Variants in DEF6 observed in about 807,000 individuals in gnomAD.
DEF6 encodes the protein differentially expressed in FDCP 6 homolog.
A neutral mutation model predicts 80.5 loss-of-function variants in DEF6; 32 were observed. That is an observed-to-expected ratio of 0.40 (90% confidence interval 0.30 to 0.53). The LOEUF (loss-of-function observed/expected upper bound fraction) is 0.53, where lower values mean the gene tolerates loss of function less well. DEF6 is among the 20% of genes least tolerant of loss of function. The pLI is 0.57. For synonymous variants in DEF6, 300 were observed against 337.9 expected (o/e 0.89, Z 1.23); for missense variants, 575 against 818.7 (o/e 0.70, Z 3.63).
chr6:35,303,106 C>T (rs1014910237), intron 1 of DEF6, among the ~76,000 whole-genome samples: 3 of 152,112 alleles, frequency 2.0e-5, no homozygotes, highest in Admixed American at 1.3e-4. Flanking sequence ...AGTCTGAGGT[C>T]GGCCCAGCTC....
chr6:35,308,808 T>G lies in DEF6; in HGVS notation c.97-862T>G, dbSNP rs548273663. Among the ~76,000 whole-genome samples the G allele has an allele frequency of 1.3e-3, 199 of 152,208 alleles. 1 individual carries two copies. The highest frequency in any genetic ancestry group is 1.0e-3 in the Non-Finnish European group (68 of 68,010). On this transcript the variant is annotated intron_variant, in intron 1 of 10. Coordinates refer to ENST00000316637, the MANE Select transcript of DEF6 (RefSeq NM_022047.4). ...ACCACCTCCTACAGTGACCGGCATA[T>G]GGTAAGTGTGCAATAGTAACTAGTG...
intron 1 of DEF6, among the ~76,000 whole-genome samples, chr6:35,308,784 C>G (rs1419028647): frequency 6.6e-6 from 1 of 151,006 alleles, no homozygotes; most frequent in Non-Finnish European, 1.5e-5. Flanking sequence ...ATTAAATAAA[C>G]CACCTCCTAC....
At chr6:35,316,648 T>C (rs1278769109) in intron 5 of DEF6, among the ~76,000 whole-genome samples, 1 of 152,258 alleles carries the variant, frequency 6.6e-6, no homozygotes, top group Non-Finnish European at 1.5e-5. Flanking sequence ...TCAGGGTCTA[T>C]TGAAATGATC....
chr6:35,312,661 C>A lies in DEF6; in HGVS notation c.696C>A (p.Asn232Lys). 6.2e-7 allele frequency: 1 copy of A among 1,614,064 alleles called. No individual in the cohort carries two copies. Among genetic ancestry groups the A allele is most frequent in the East Asian group, 2.2e-5 (1 of 44,876 alleles). ...YLWKRGHLRR[N>K]WAERWFQLQP... ...GGAAGCGAGGGCACCTGAGAAGGAA[C>A]TGGGCCGAACGCTGGTTCCAGCTGC... is the stretch of plus-strand genomic sequence containing the variant. The change falls in exon 5 of 11, where the codon AAC (asparagine) becomes AAA (lysine). Residue 232 changes from asparagine (N) to lysine (K), a missense_variant. Asn to Lys is a moderately conservative substitution (Grantham distance 94). Transcript: ENST00000316637. This position sits in a 1 kb window ranked among gnomAD's most constrained non-coding sequence, Gnocchi z 6.6.
chr6:35,305,376 A>G (rs1417234135), intron 1 of DEF6, among the ~76,000 whole-genome samples: 5 of 152,034 alleles, frequency 3.3e-5, no homozygotes, highest in Admixed American at 2.0e-4. Flanking sequence ...TGTAGTCCCA[A>G]TTACTCGGGA....
At position 35,318,429 on chromosome 6, in the gene DEF6, G is replaced by A. The variant is rs1399819290; in HGVS notation, c.1173G>A (p.Glu391=). Residue 391 remains glutamate, a synonymous_variant, in exon 7 of 11, where the codon GAG becomes GAA. Transcript: ENST00000316637. This position sits in a 1 kb window ranked among gnomAD's most constrained non-coding sequence, Gnocchi z 5.1. The stretch of plus-strand genomic sequence containing the variant: ...AACGGCGCCGCAGCCAGCACCGCGA[G>A]CTGCAGCAGGCGCTCGAGGGCCAAC... The part of the protein sequence containing the change: ...EEERRRSQHR[E]LQQALEGQLR... 6.7e-7 allele frequency: 1 copy of A among 1,499,488 alleles called. No individual in the cohort carries two copies. Among genetic ancestry groups the A allele is most frequent in the Non-Finnish European group, 8.8e-7 (1 of 1,131,662 alleles). The allele number at this position is 1,499,488 out of a possible 1,614,324, so 92.9% of individuals were successfully genotyped here.
rs201614363 is a variant in DEF6, at chr6:35,299,013, A to G, written c.96+1061A>G. On this transcript the variant is annotated intron_variant, in intron 1 of 10. Coordinates refer to ENST00000316637, the MANE Select transcript of DEF6 (RefSeq NM_022047.4). ...ACCTGAGAGATGAATGGGACAGAAC[A>G]GTTATTGTGCCCCACCACCGTTCCA... Among the ~76,000 whole-genome samples the G allele has an allele frequency of 2.0e-5, 3 of 152,244 alleles. No homozygotes were observed. The East Asian group carries it at 5.8e-4, about 29-fold the overall frequency.
At chr6:35,316,697 G>A (rs532348165) in intron 5 of DEF6, among the ~76,000 whole-genome samples, 2 of 152,246 alleles carry the variant, frequency 1.3e-5, no homozygotes, top group Non-Finnish European at 2.9e-5. Context: ...ACTATGATGT[G>A]TCATGCATAT....
intron 1 of DEF6, among the ~76,000 whole-genome samples, chr6:35,301,217 C>A (rs1186366843): frequency 6.6e-6 from 1 of 152,158 alleles, no homozygotes. Context: ...AAGTTAAGAA[C>A]AGCTCCAGTC....
chr6:35,321,479 G>C lies in DEF6; in HGVS notation c.*69G>C. The C allele has an allele frequency of 2.1e-6, 3 of 1,445,012 alleles. No homozygotes were observed. The South Asian group carries it at 3.7e-5, about 18-fold the overall frequency. 89.5% of individuals were successfully genotyped at this position (1,445,012 alleles called of 1,614,324 possible). A position where few individuals can be genotyped will look rare whatever the true frequency, so the allele number is the denominator to read the frequency against. On this transcript the variant is annotated 3_prime_UTR_variant, in exon 11 of 11. Transcript: ENST00000316637. Reference sequence around the variant, plus strand: ...ACCTGGCCACAGCTGGCCTGTGGGTGATCCCAGCTCTTACTAGGAGAGGGA... The same window carrying C: ...ACCTGGCCACAGCTGGCCTGTGGGTCATCCCAGCTCTTACTAGGAGAGGGA...
In DEF6 at chr6:35,318,004, G is replaced by A. The variant is rs1485311186; in HGVS notation, c.916+5G>A. 6.2e-7 allele frequency: 1 copy of A among 1,611,422 alleles called. No individual in the cohort carries two copies. The highest frequency in any genetic ancestry group is 8.5e-7 in the Non-Finnish European group (1 of 1,178,772). On this transcript the variant is annotated splice_donor_5th_base_variant and intron_variant, in intron 6 of 10. Coordinates refer to ENST00000316637, the MANE Select transcript of DEF6 (RefSeq NM_022047.4). The surrounding 1 kb of genome is among the most constrained non-coding windows in gnomAD (Gnocchi z 5.1). ...AGCGCCAGGAGTGGACAGCTGGTGA[G>A]TGCTCGCTAGGTGGCTTGGGTCTGG... is the stretch of plus-strand genomic sequence containing the variant.
At chr6:35,320,772 A>C in intron 9 of DEF6, 112 bp from the exon 10 acceptor site, 1 of 860,982 alleles carries the variant, frequency 1.2e-6, no homozygotes, top group Non-Finnish European at 1.8e-6. Flanking sequence ...TTCTCTGGGG[A>C]GATGATCAGT....
intron 5 of DEF6, 96 bp from the exon 6 acceptor site, chr6:35,317,795 C>A: frequency 1.9e-6 from 2 of 1,055,056 alleles, no homozygotes; most frequent in Non-Finnish European, 2.7e-6. Flanking sequence ...GGAAGATAGC[C>A]AGGAGGGCTA....
Position 35,318,495 on chromosome 6 carries a change from G to A in DEF6, c.1215+24G>A, listed in dbSNP as rs1249754922. On this transcript the variant is annotated intron_variant, in intron 7 of 10. Transcript: ENST00000316637. The surrounding 1 kb of genome is among the most constrained non-coding windows in gnomAD (Gnocchi z 5.1). ...AGGTGGGGTTAGCTCCCGGCGCCGG[G>A]GACGGGACCGGTGGGCTGGGAGGCT... is the stretch of plus-strand genomic sequence containing the variant. 7 of 1,374,704 alleles carry A rather than the reference G, an allele frequency of 5.1e-6. No individual in the cohort carries two copies. Among genetic ancestry groups the A allele is most frequent in the Non-Finnish European group, 4.7e-6 (5 of 1,072,866 alleles). The allele number at this position is 1,374,704 out of a possible 1,614,324, so 85.2% of individuals were successfully genotyped here.
chr6:35,304,918 T>A (rs1791369906), intron 1 of DEF6, among the ~76,000 whole-genome samples: 1 of 151,220 alleles, frequency 6.6e-6, no homozygotes. Context: ...ATTCTCCTGG[T>A]TTAAAAAAAG....
At chr6:35,310,738 T>C (rs1791456639) in intron 3 of DEF6, 94 bp downstream of exon 3, 2 of 1,303,348 alleles carry the variant, frequency 1.5e-6, no homozygotes, top group Admixed American at 1.8e-5. Flanking sequence ...TGCCTTCCCA[T>C]ATCCCCTTTC....
At chr6:35,309,250 A>C (rs976712563) in intron 1 of DEF6, among the ~76,000 whole-genome samples, 1 of 152,184 alleles carries the variant, frequency 6.6e-6, no homozygotes, top group Non-Finnish European at 1.5e-5. Context: ...TTGAACTCCA[A>C]GCTCTTGTTC....
intron 1 of DEF6, among the ~76,000 whole-genome samples, chr6:35,305,218 T>A (rs1263148641): frequency 6.7e-6 from 1 of 149,918 alleles, no homozygotes; most frequent in Non-Finnish European, 1.5e-5. Context: ...CGATCTCAGC[T>A]CACTGCAGCC....
rs1791594340 is a variant in DEF6, at chr6:35,321,582, C to G, written c.*172C>G. 1 of 584,582 alleles carries G rather than the reference C, an allele frequency of 1.7e-6. No homozygotes were observed. Among genetic ancestry groups the G allele is most frequent in the African/African-American group, 1.9e-5 (1 of 53,624 alleles). 36.2% of individuals were successfully genotyped at this position (584,582 alleles called of 1,614,324 possible). On this transcript the variant is annotated 3_prime_UTR_variant, in exon 11 of 11. Transcript: ENST00000316637. The stretch of plus-strand genomic sequence containing the variant: ...ATGGAACCTGGTTCACCCTTCATAC[C>G]AGCTCCAAGCCCCAGACCATGGGAG...
Sources: gnomAD v4.1 joint callset for allele counts (sites outside exome capture counted in the v4.1 genomes callset) on GRCh38, gnomAD v4.1.1 for gene constraint, Gnocchi (gnomAD v3.1) non-coding constraint, MANE v1.5 for transcripts, NCBI Gene and HGNC (gene_info 2026-07-23, HGNC 2026-07-21) for gene names.